Variants in TPTE observed in about 807,000 individuals in gnomAD.
TPTE encodes the protein transmembrane phosphatase with tensin homology, also known as putative tyrosine-protein phosphatase TPTE.
Under a neutral mutation model 84.1 loss-of-function variants are expected in TPTE, and 59 were observed. The ratio of observed to expected loss-of-function variants is 0.70; its 90% CI spans 0.57 to 0.87. The LOEUF (loss-of-function observed/expected upper bound fraction) is 0.87, where lower values mean the gene tolerates loss of function less well. Ranked by LOEUF, TPTE falls within the 40% of genes least tolerant of loss-of-function variation. The probability of loss-of-function intolerance (pLI) is 0.00; values close to 1 mark genes in which losing one functional copy is unlikely to be tolerated. For synonymous variants in TPTE, 130 were observed against 223.5 expected (o/e 0.58, Z 3.73); for missense variants, 382 against 659.6 (o/e 0.58, Z 4.61).
chr21:10,600,699 G>A (rs1225764398), intron 21 of TPTE, among the ~76,000 whole-genome samples: 2 of 152,310 alleles, frequency 1.3e-5, no homozygotes, highest in African/African-American at 2.4e-5. Flanking sequence ...TCCCTGAAGG[G>A]GCCAACTGAG....
Position 10,526,685 on chromosome 21 carries a change from G to A in TPTE, c.-101-670G>A, listed in dbSNP as rs1209230262. The stretch of plus-strand genomic sequence containing the variant: ...TTTGTGTATTTGAAACTAAAAATGT[G>A]TATCCGTTTATATTGCCACATACTG... On this transcript the variant is annotated intron_variant, in intron 2 of 23. Coordinates refer to ENST00000618007, the MANE Select transcript of TPTE (RefSeq NM_199261.4). Among the ~76,000 whole-genome samples, 4 of 152,430 alleles carry A rather than the reference G, an allele frequency of 2.6e-5. No homozygotes were observed. The East Asian group carries it at 5.8e-4, about 22-fold the overall frequency.
chr21:10,565,444 C>T (rs1276235245), intron 10 of TPTE, among the ~76,000 whole-genome samples: 1 of 152,302 alleles, frequency 6.6e-6, no homozygotes, highest in Non-Finnish European at 1.5e-5. Context: ...AAGCAATTTA[C>T]AGATTCAATG....
chr21:10,522,788 T>C (rs1369305368), intron 1 of TPTE, among the ~76,000 whole-genome samples: 1 of 152,312 alleles, frequency 6.6e-6, no homozygotes, highest in Non-Finnish European at 1.5e-5. Context: ...ATGTGATGTT[T>C]CAGTACATTT....
intron 15 of TPTE, 78 bp downstream of exon 15, chr21:10,577,598 A>T: frequency 2.5e-6 from 4 of 1,610,448 alleles, no homozygotes; most frequent in Non-Finnish European, 3.4e-6. Context: ...TTTGTTTTTT[A>T]GATTGCATTT....
chr21:10,596,474 C>T (rs2075591239), intron 20 of TPTE, among the ~76,000 whole-genome samples: 2 of 152,312 alleles, frequency 1.3e-5, no homozygotes, highest in South Asian at 4.1e-4. Flanking sequence ...CAGAGTTTGC[C>T]TTGGTGGAGG....
Position 10,541,127 on chromosome 21 carries a change from C to T in TPTE, c.27C>T (p.Asp9=). MNESPDPT[D]LAGVIIELGP... Reference sequence around the variant, plus strand: ...TGTCCTTTAGTCCTGATCCGACTGACCTGGCGGGAGTCATCATTGAGCTCG... The same window carrying T: ...TGTCCTTTAGTCCTGATCCGACTGATCTGGCGGGAGTCATCATTGAGCTCG... The change falls in exon 5 of 24, where the codon GAC becomes GAT. Residue 9 remains aspartate (D), a synonymous_variant. Transcript: ENST00000618007. 3 of 1,613,318 alleles carry T rather than the reference C, an allele frequency of 1.9e-6. No homozygotes were observed. Among genetic ancestry groups the T allele is most frequent in the Non-Finnish European group, 2.5e-6 (3 of 1,179,324 alleles).
chr21:10,591,332 C>T (rs2075472378), intron 18 of TPTE, among the ~76,000 whole-genome samples: 1 of 152,312 alleles, frequency 6.6e-6, no homozygotes, highest in African/African-American at 2.4e-5. Context: ...GGTGGTTGTG[C>T]ACAATGCCCA....
At chr21:10,578,634 A>G (rs1848216) in intron 17 of TPTE, 29 bp downstream of exon 17, 3 of 1,611,934 alleles carry the variant, frequency 1.9e-6, no homozygotes, top group Middle Eastern at 2.3e-4. Context: ...TTATTTCTCC[A>G]TTTCTAAAGA....
At chr21:10,582,196 G>A (rs2075283775) in intron 17 of TPTE, among the ~76,000 whole-genome samples, 1 of 152,308 alleles carries the variant, frequency 6.6e-6, no homozygotes, top group African/African-American at 2.4e-5. Flanking sequence ...CAATATTTGG[G>A]TCTTTAATCT....
chr21:10,522,074 A>G, intron 1 of TPTE, among the ~76,000 whole-genome samples: 1 of 151,798 alleles, frequency 6.6e-6, no homozygotes, highest in Non-Finnish European at 1.5e-5. Flanking sequence ...CGCCCGCGCC[A>G]GCCGGGGCGC....
chr21:10,599,127 T>C (rs2075643493), intron 21 of TPTE, among the ~76,000 whole-genome samples: 1 of 152,430 alleles, frequency 6.6e-6, no homozygotes, highest in East Asian at 1.9e-4. Flanking sequence ...AGGAGCTTTC[T>C]CTCTGCTTCT....
At chr21:10,573,021 A>C (rs1299139845) in intron 14 of TPTE, among the ~76,000 whole-genome samples, 2 of 152,298 alleles carry the variant, frequency 1.3e-5, no homozygotes, top group Non-Finnish European at 2.9e-5. Flanking sequence ...AACAGATCAA[A>C]TTCCCAATTA....
intron 10 of TPTE, among the ~76,000 whole-genome samples, chr21:10,565,678 A>G (rs1293470565): frequency 2.0e-5 from 3 of 152,310 alleles, no homozygotes; most frequent in African/African-American, 7.2e-5. Context: ...CTGGAATAGA[A>G]TAGAGAACCC....
intron 2 of TPTE, among the ~76,000 whole-genome samples, chr21:10,526,158 T>G (rs1159867234): frequency 6.6e-6 from 1 of 152,310 alleles, no homozygotes; most frequent in Non-Finnish European, 1.5e-5. Flanking sequence ...TGTAAAAGGT[T>G]ATTGTTTTTC....
At chr21:10,525,200 A>G (rs1356926176) in intron 2 of TPTE, among the ~76,000 whole-genome samples, 4 of 152,310 alleles carry the variant, frequency 2.6e-5, no homozygotes, top group Admixed American at 1.3e-4. Flanking sequence ...ATGGGTTTTT[A>G]TTAGTGAAAT....
At chr21:10,531,883 T>C (rs888580379) in intron 3 of TPTE, among the ~76,000 whole-genome samples, 7 of 152,308 alleles carry the variant, frequency 4.6e-5, no homozygotes, top group Admixed American at 2.6e-4. Flanking sequence ...TGTCTCCCAG[T>C]GGTAGGCTGA....
At position 10,542,478 on chromosome 21, in the gene TPTE, C is replaced by T. The variant is rs560177845; in HGVS notation, c.119+30C>T. 2.5e-6 allele frequency: 4 copies of T among 1,607,720 alleles called. No individual in the cohort carries two copies. In the African/African-American group the frequency reaches 4.0e-5, roughly 16 times the overall value. ...GCAATAAATAGTTAAAGTCACCCGTCAGCATAAGTGTGCATAGAACTATAC... is the reference window on the plus strand; with the variant it reads ...GCAATAAATAGTTAAAGTCACCCGTTAGCATAAGTGTGCATAGAACTATAC... On this transcript the variant is annotated intron_variant, in intron 6 of 23. Coordinates refer to ENST00000618007, the MANE Select transcript of TPTE (RefSeq NM_199261.4).
chr21:10,560,858 G>A (rs2074785303), intron 9 of TPTE, among the ~76,000 whole-genome samples, 172 bp from the exon 10 acceptor site: 1 of 152,298 alleles, frequency 6.6e-6, no homozygotes, highest in Non-Finnish European at 1.5e-5. Flanking sequence ...GGTGAAAACA[G>A]TGATTTTTCT....
intron 10 of TPTE, among the ~76,000 whole-genome samples, chr21:10,566,856 A>G (rs1341256013): frequency 1.3e-5 from 2 of 152,298 alleles, no homozygotes; most frequent in Non-Finnish European, 2.9e-5. Flanking sequence ...GGGCACCTGT[A>G]ATCCCAGCTA....
Sources: gnomAD v4.1 joint callset for allele counts (sites outside exome capture counted in the v4.1 genomes callset) on GRCh38, gnomAD v4.1.1 for gene constraint, MANE v1.5 for transcripts, NCBI Gene and HGNC (gene_info 2026-07-23, HGNC 2026-07-21) for gene names.